IL12RB2: variants seen among roughly 807,000 people sequenced by gnomAD.
IL12RB2 encodes interleukin 12 receptor subunit beta 2, also known as interleukin-12 receptor subunit beta-2.
In IL12RB2, 82 loss-of-function variants were observed where a neutral mutation model predicts 89.4. The ratio of observed to expected loss-of-function variants is 0.92; its 90% CI spans 0.77 to 1.10. IL12RB2 has a LOEUF of 1.10. Among genes scored for constraint, IL12RB2 ranks in the 50% least tolerant of loss-of-function variants. IL12RB2 has a pLI of 0.00. For missense variants in IL12RB2, 963 were observed against 1,031.9 expected (o/e 0.93, Z 0.92); for synonymous variants, 368 against 370.1 (o/e 0.99, Z 0.07).
At chr1:67,325,687 C>T (rs1021524599) in intron 4 of IL12RB2, among the ~76,000 whole-genome samples, 1 of 152,230 alleles carries the variant, frequency 6.6e-6, no homozygotes, top group African/African-American at 2.4e-5. Context: ...GTGGGCATTC[C>T]TGTGCCTATG....
intron 4 of IL12RB2, among the ~76,000 whole-genome samples, chr1:67,322,371 A>G (rs1464613693): frequency 1.3e-5 from 2 of 151,810 alleles, no homozygotes. Flanking sequence ...ACTTAACAGA[A>G]GGTAAAAGAA....
intron 13 of IL12RB2, among the ~76,000 whole-genome samples, chr1:67,373,966 A>G (rs1480429100): frequency 6.6e-6 from 1 of 152,202 alleles, no homozygotes; most frequent in East Asian, 1.9e-4. Flanking sequence ...TTATATAAAT[A>G]ATACTAAAAC....
At chr1:67,395,405 C>T in intron 16 of IL12RB2, 142 bp from the exon 17 acceptor site, 1 of 1,510,852 alleles carries the variant, frequency 6.6e-7, no homozygotes, top group East Asian at 2.3e-5. Context: ...TTTCTCTTAC[C>T]TCGCAAACTC....
At chr1:67,384,902 C>T (rs1008132435) in intron 14 of IL12RB2, among the ~76,000 whole-genome samples, 4 of 152,214 alleles carry the variant, frequency 2.6e-5, no homozygotes, top group African/African-American at 9.7e-5. Flanking sequence ...CAAAGTCACT[C>T]GACAAGTCTC....
chr1:67,343,239 C>T (rs551839123), intron 9 of IL12RB2, among the ~76,000 whole-genome samples: 1 of 152,038 alleles, frequency 6.6e-6, no homozygotes, highest in South Asian at 2.1e-4. Context: ...AGGCATCCAT[C>T]ACCACGCCCA....
At chr1:67,371,669 G>A (rs1337958859) in intron 11 of IL12RB2, among the ~76,000 whole-genome samples, 1 of 152,180 alleles carries the variant, frequency 6.6e-6, no homozygotes, top group Non-Finnish European at 1.5e-5. Flanking sequence ...AAGGAATTTT[G>A]GTGGGGAAGA....
At chr1:67,368,071 TTTG>T in intron 11 of IL12RB2, 46 bp downstream of exon 11, 1 of 1,275,926 alleles carries the variant, frequency 7.8e-7, no homozygotes. Context: ...TAAGTTCACA[TTTG>T]TTTGGGGAAA....
chr1:67,363,366 GC>G (rs1557448588), intron 10 of IL12RB2, among the ~76,000 whole-genome samples: 1 of 151,726 alleles, frequency 6.6e-6, no homozygotes, highest in Non-Finnish European at 1.5e-5. Context: ...ACAGGCATGT[GC>G]CACCATGCCC....
In IL12RB2 at chr1:67,396,365, A is replaced by AT; in HGVS notation, c.*277dup. 1.9e-6 allele frequency: 1 copy of AT among 538,946 alleles called. No homozygotes were observed. 33.4% of individuals were successfully genotyped at this position (538,946 alleles called of 1,614,324 possible). A position where few individuals can be genotyped will look rare whatever the true frequency, so the allele number is the denominator to read the frequency against. ...TTGAATTCCTAGTAACTTTCTTGGTATGCTGGCCAGAAAGGGAAATGAGGA... is the reference window on the plus strand; with the variant it reads ...TTGAATTCCTAGTAACTTTCTTGGTATTGCTGGCCAGAAAGGGAAATGAGGA... On this transcript the variant is annotated 3_prime_UTR_variant, in exon 17 of 17. Transcript: ENST00000674203.
At chr1:67,330,990 T>C (rs1658007561) in intron 8 of IL12RB2, among the ~76,000 whole-genome samples, 180 bp downstream of exon 8, 1 of 152,182 alleles carries the variant, frequency 6.6e-6, no homozygotes, top group African/African-American at 2.4e-5. Context: ...TTCAAGGAAA[T>C]ATGTTTGTGT....
At chr1:67,360,373 C>T (rs1173032761) in intron 10 of IL12RB2, among the ~76,000 whole-genome samples, 121 of 145,790 alleles carry the variant, frequency 8.3e-4, no homozygotes, top group Middle Eastern at 3.8e-3. Flanking sequence ...CACTCCAGCC[C>T]GGGTGACAGA....
At chr1:67,337,121 A>G (rs1658871320) in intron 8 of IL12RB2, among the ~76,000 whole-genome samples, 1 of 152,168 alleles carries the variant, frequency 6.6e-6, no homozygotes, top group Non-Finnish European at 1.5e-5. Context: ...GGATGGGCCC[A>G]CACAGCACCT....
intron 14 of IL12RB2, 127 bp from the exon 15 acceptor site, chr1:67,386,452 T>C: frequency 1.3e-6 from 1 of 767,438 alleles, no homozygotes; most frequent in Non-Finnish European, 2.4e-6. Flanking sequence ...AAAGTGAATT[T>C]ACCTTATTCT....
intron 13 of IL12RB2, among the ~76,000 whole-genome samples, chr1:67,375,514 T>C (rs1663861990): frequency 6.6e-6 from 1 of 152,194 alleles, no homozygotes; most frequent in South Asian, 2.1e-4. Flanking sequence ...CAAGGGCACT[T>C]TCTAGAGAGT....
intron 9 of IL12RB2, among the ~76,000 whole-genome samples, chr1:67,341,566 A>AGGAAG (rs368944501): frequency 1.2e-5 from 1 of 81,282 alleles, no homozygotes; most frequent in Non-Finnish European, 2.9e-5. Flanking sequence ...AAAGAAAGAA[A>AGGAAG]GAAAGAAAGA....
chr1:67,349,247 C>A (rs1012827740), intron 9 of IL12RB2, among the ~76,000 whole-genome samples: 1 of 152,118 alleles, frequency 6.6e-6, no homozygotes, highest in African/African-American at 2.4e-5. Context: ...CCTCTTGGGT[C>A]CCTGGCCAGA....
intron 9 of IL12RB2, among the ~76,000 whole-genome samples, chr1:67,341,531 G>GGAAAGAAA (rs1659566468): frequency 9.5e-5 from 2 of 21,038 alleles, no homozygotes; most frequent in Admixed American, 6.6e-4. Flanking sequence ...AAAAGAAAGA[G>GGAAAGAAA]AAAGAAAGAA....
chr1:67,370,569 C>T (rs368854248), intron 11 of IL12RB2, among the ~76,000 whole-genome samples: 1 of 152,150 alleles, frequency 6.6e-6, no homozygotes, highest in South Asian at 2.1e-4. Context: ...GGTTTATAAA[C>T]ATGGGGGCAG....
chr1:67,372,901 A>G (rs1426611848), intron 13 of IL12RB2, 118 bp downstream of exon 13: 2 of 774,508 alleles, frequency 2.6e-6, no homozygotes, highest in Non-Finnish European at 4.7e-6. Context: ...GGCATATAGT[A>G]AGTACTCCAT....
Sources: gnomAD v4.1 joint callset for allele counts (sites outside exome capture counted in the v4.1 genomes callset) on GRCh38, gnomAD v4.1.1 for gene constraint, MANE v1.5 for transcripts, NCBI Gene and HGNC (gene_info 2026-07-23, HGNC 2026-07-21) for gene names.